The following TCF4 variants were observed in gnomAD, a reference collection of about 807,000 sequenced individuals.
TCF4 encodes SL3-3 enhancer factor 2.
A neutral mutation model predicts 82.1 loss-of-function variants in TCF4; 3 were observed. The ratio of observed to expected loss-of-function variants is 0.04; its 90% CI spans 0.02 to 0.09. TCF4 has a LOEUF of 0.09. TCF4 is among the 10% of genes least tolerant of loss of function. The pLI, the probability that TCF4 is intolerant of heterozygous loss-of-function variation, is 1.00. For synonymous variants in TCF4, 276 were observed against 309.6 expected (o/e 0.89, Z 1.14); for missense variants, 518 against 852.7 (o/e 0.61, Z 4.89).
intron 5 of TCF4, among the ~76,000 whole-genome samples, chr18:55,451,438 G>T (rs571124373): frequency 6.6e-5 from 10 of 152,302 alleles, no homozygotes; most frequent in African/African-American, 2.4e-4. Context: ...CCATCACTAG[G>T]AAGTGAAAAG....
chr18:55,344,680 G>C (rs2080777965), intron 8 of TCF4, among the ~76,000 whole-genome samples: 2 of 152,074 alleles, frequency 1.3e-5, no homozygotes, highest in African/African-American at 4.8e-5. Flanking sequence ...TTGAATACTT[G>C]ATTAAAAATA....
chr18:55,463,392 C>A (rs2095914211), intron 4 of TCF4, among the ~76,000 whole-genome samples: 1 of 152,144 alleles, frequency 6.6e-6, no homozygotes, highest in African/African-American at 2.4e-5. Context: ...TGCTTAACCA[C>A]CCACCCAACT....
At chr18:55,410,230 T>C (rs1037735790) in intron 5 of TCF4, among the ~76,000 whole-genome samples, 3 of 152,164 alleles carry the variant, frequency 2.0e-5, no homozygotes, top group Non-Finnish European at 1.5e-5. Flanking sequence ...GTCCTAAAAA[T>C]AGAATACTCA....
At chr18:55,322,088 T>C (rs1174212572) in intron 8 of TCF4, 3 of 1,078,588 alleles carry the variant, frequency 2.8e-6, no homozygotes, top group African/African-American at 1.7e-5. Context: ...TTTCTTTTTC[T>C]TTTCTTTTTT....
chr18:55,437,626 G>A (rs1289805766), intron 5 of TCF4, among the ~76,000 whole-genome samples: 1 of 152,150 alleles, frequency 6.6e-6, no homozygotes, highest in Non-Finnish European at 1.5e-5. Flanking sequence ...ATTTTTTGAA[G>A]CAATGTGTAG....
chr18:55,483,600 TA>T (rs2096473669), intron 3 of TCF4, among the ~76,000 whole-genome samples: 1 of 152,206 alleles, frequency 6.6e-6, no homozygotes, highest in Non-Finnish European at 1.5e-5. Context: ...ATGGTCATTG[TA>T]AAGGGAAATA....
rs1555795909 is a variant in TCF4, at chr18:55,275,275, G to GGAAAAAA, written c.789+343_789+344insTTTTTTC. 1.5e-4 allele frequency among the ~76,000 whole-genome samples: 11 copies of GGAAAAAA among 71,366 alleles called. No individual in the cohort carries two copies. In the South Asian group the frequency reaches 2.6e-3, roughly 17 times the overall value. The allele number at this position is 71,366 out of a possible 152,430, so 46.8% of individuals were successfully genotyped here. On this transcript the variant is annotated intron_variant, in intron 10 of 19. Coordinates refer to ENST00000354452, the MANE Select transcript of TCF4 (RefSeq NM_001083962.2). ...AGTACATCTTTTGAAACTACAGATA[G>GGAAAAAA]AAAAAAAAAAAAAAAAAAAAAAACC... is the stretch of plus-strand genomic sequence containing the variant.
At chr18:55,387,234 C>A in intron 6 of TCF4, among the ~76,000 whole-genome samples, 1 of 152,216 alleles carries the variant, frequency 6.6e-6, no homozygotes, top group East Asian at 1.9e-4. Flanking sequence ...GGCAAATGGG[C>A]CTTCTGAGAA....
At chr18:55,621,963 CTATATAT>C (rs1232041689) in intron 2 of TCF4, among the ~76,000 whole-genome samples, 20 of 120,164 alleles carry the variant, frequency 1.7e-4, no homozygotes, top group African/African-American at 4.9e-4. Context: ...TATATATACA[CTATATAT>C]TATATATTAT....
At chr18:55,240,323 T>G (rs781768918) in intron 15 of TCF4, among the ~76,000 whole-genome samples, 4 of 152,204 alleles carry the variant, frequency 2.6e-5, no homozygotes, top group Non-Finnish European at 5.9e-5. Context: ...GAAAAGCTGA[T>G]GGGTTTTCAC....
At chr18:55,435,471 C>A (rs575023432) in intron 5 of TCF4, among the ~76,000 whole-genome samples, 33 of 152,336 alleles carry the variant, frequency 2.2e-4, no homozygotes, top group African/African-American at 7.7e-4. Flanking sequence ...AAAATCTCCA[C>A]AAGGGCAGGC....
chr18:55,577,204 ATT>A (rs1469101708), intron 3 of TCF4, among the ~76,000 whole-genome samples: 4 of 27,538 alleles, frequency 1.5e-4, no homozygotes, highest in African/African-American at 2.4e-4. Context: ...ACATTTATAT[ATT>A]TATATAAATG....
chr18:55,621,711 A>T (rs1372856507), intron 2 of TCF4, among the ~76,000 whole-genome samples: 1 of 87,848 alleles, frequency 1.1e-5, no homozygotes, highest in African/African-American at 4.6e-5. Flanking sequence ...ATATTATATA[A>T]TATATAATTA....
At chr18:55,299,276 G>A (rs1340854374) in intron 8 of TCF4, among the ~76,000 whole-genome samples, 2 of 152,044 alleles carry the variant, frequency 1.3e-5, no homozygotes, top group Admixed American at 1.3e-4. Context: ...GCCAGGTGTG[G>A]TGGTGGACAC....
intron 3 of TCF4, among the ~76,000 whole-genome samples, chr18:55,475,468 C>G (rs892080697): frequency 1.3e-4 from 20 of 152,288 alleles, no homozygotes; most frequent in African/African-American, 4.6e-4. Flanking sequence ...CATGCAAATT[C>G]TGCAATGTAT....
intron 11 of TCF4, among the ~76,000 whole-genome samples, chr18:55,262,243 A>AG (rs746153883): frequency 9.5e-4 from 145 of 152,338 alleles, no homozygotes; most frequent in Non-Finnish European, 1.8e-3. Flanking sequence ...ACAAAAGAGA[A>AG]GAACAAAGAG....
chr18:55,252,903 T>G, intron 15 of TCF4, among the ~76,000 whole-genome samples: 1 of 152,304 alleles, frequency 6.6e-6, no homozygotes, highest in East Asian at 1.9e-4. Context: ...TCTCATATTA[T>G]ATGCATCCCA....
chr18:55,270,214 T>C (rs894678519), intron 10 of TCF4, among the ~76,000 whole-genome samples: 7 of 152,106 alleles, frequency 4.6e-5, no homozygotes, highest in Admixed American at 4.6e-4. Context: ...TGAGAAATGA[T>C]CACAATCTCG....
chr18:55,293,075 C>G (rs1330462127), intron 8 of TCF4, among the ~76,000 whole-genome samples: 1 of 151,936 alleles, frequency 6.6e-6, no homozygotes, highest in Non-Finnish European at 1.5e-5. Context: ...TGTGAATGTA[C>G]TAAATATTAC....
Sources: gnomAD v4.1 joint callset for allele counts (sites outside exome capture counted in the v4.1 genomes callset) on GRCh38, gnomAD v4.1.1 for gene constraint, MANE v1.5 for transcripts, NCBI Gene and HGNC (gene_info 2026-07-23, HGNC 2026-07-21) for gene names.